KANK1: variants seen among roughly 807,000 people sequenced by gnomAD.
KANK1 encodes KN motif and ankyrin repeat domains 1.
A neutral mutation model predicts 106.2 loss-of-function variants in KANK1; 109 were observed. That is an observed-to-expected ratio of 1.03 (90% CI 0.88 to 1.20). KANK1 has a LOEUF of 1.20. KANK1 is among the 50% of genes most tolerant of loss of function. The pLI is 0.00. For missense variants in KANK1, 2,399 were observed against 1,710.7 expected (o/e 1.40, Z -7.10); for synonymous variants, 873 against 652.2 (o/e 1.34, Z -5.16).
chr9:504,772 G>GCCGTGCCGCGCCCCGTGCCGCGCC lies in KANK1; in HGVS notation c.-84+40_-84+41insCCCCGTGCCGCGCCCCGTGCCGCG, dbSNP rs1455755544. ...GGCCGAAGGTGAGTGACGCGGCGGG[G>GCCGTGCCGCGCCCCGTGCCGCGCC]CCGTGCCGCGCCCCGTGCCGCGGCG... is the stretch of plus-strand genomic sequence containing the variant. On this transcript the variant is annotated intron_variant, in intron 1 of 11. Coordinates refer to ENST00000382297, the MANE Select transcript of KANK1 (RefSeq NM_015158.5). The GCCGTGCCGCGCCCCGTGCCGCGCC allele has an allele frequency of 6.7e-6, 1 of 148,290 alleles. No homozygotes were observed. The highest frequency in any genetic ancestry group is 2.5e-5 in the African/African-American group (1 of 40,228). 9.2% of individuals were successfully genotyped at this position (148,290 alleles called of 1,614,324 possible).
At chr9:477,027 A>G (rs1440420944) in intron 3 of KANK1, among the ~76,000 whole-genome samples, 1 of 152,334 alleles carries the variant, frequency 6.6e-6, no homozygotes, top group East Asian at 1.9e-4. Flanking sequence ...AGTTTATGGT[A>G]AAGTTTAAAA....
chr9:686,964 A>G (rs1036994259), intron 2 of KANK1: 3 of 981,612 alleles, frequency 3.1e-6, no homozygotes, highest in Admixed American at 6.2e-5. Flanking sequence ...CTGGGCTCTT[A>G]TCCTTTGGTA....
At chr9:706,454 TTAAGTGGGAAAAGTA>T (rs1824184507) in intron 2 of KANK1, among the ~76,000 whole-genome samples, 1 of 152,198 alleles carries the variant, frequency 6.6e-6, no homozygotes, top group East Asian at 1.9e-4. Flanking sequence ...CTGAAAATCC[TTAAGTGGGAAAAGTA>T]TAGAAAAAGT....
chr9:563,512 A>C (rs1267012547), intron 1 of KANK1, among the ~76,000 whole-genome samples: 1 of 152,210 alleles, frequency 6.6e-6, no homozygotes, highest in Non-Finnish European at 1.5e-5. Context: ...ATATAAGGCT[A>C]TTAATAAGCC....
At chr9:555,901 C>A (rs2061554806) in intron 1 of KANK1, among the ~76,000 whole-genome samples, 1 of 152,178 alleles carries the variant, frequency 6.6e-6, no homozygotes, top group Non-Finnish European at 1.5e-5. Context: ...CAACTTTTAA[C>A]CTTCATGATG....
intron 1 of KANK1, among the ~76,000 whole-genome samples, chr9:575,040 T>C (rs142064325): frequency 6.6e-6 from 1 of 152,090 alleles, no homozygotes; most frequent in African/African-American, 2.4e-5. Flanking sequence ...GCTTTATGTT[T>C]AAAAAAACAA....
chr9:638,652 G>A (rs959841682), intron 1 of KANK1, among the ~76,000 whole-genome samples: 1 of 152,160 alleles, frequency 6.6e-6, no homozygotes, highest in African/African-American at 2.4e-5. Context: ...CAAACTTTGA[G>A]TTTCCATTCT....
At chr9:715,155 T>C (rs1343290977) in intron 3 of KANK1, among the ~76,000 whole-genome samples, 1 of 152,126 alleles carries the variant, frequency 6.6e-6, no homozygotes, top group Admixed American at 6.6e-5. Context: ...AAGAAAAAAA[T>C]GAATATGACA....
chr9:715,653 C>A (rs1018008875), intron 3 of KANK1, among the ~76,000 whole-genome samples: 1 of 152,218 alleles, frequency 6.6e-6, no homozygotes, highest in Non-Finnish European at 1.5e-5. Context: ...AGAAGACCTA[C>A]AGCACTTGTG....
chr9:598,632 T>G, intron 1 of KANK1, among the ~76,000 whole-genome samples: 1 of 108,368 alleles, frequency 9.2e-6, no homozygotes, highest in South Asian at 3.1e-4. Flanking sequence ...TTTTTTTTTT[T>G]TTTTTTTTTT....
intron 3 of KANK1, among the ~76,000 whole-genome samples, chr9:723,544 G>C (rs1485783023): frequency 6.6e-6 from 1 of 152,052 alleles, no homozygotes; most frequent in East Asian, 1.9e-4. Context: ...AGGATTGCTT[G>C]AGCCCAGGAG....
At chr9:539,795 T>G (rs539915846) in intron 1 of KANK1, among the ~76,000 whole-genome samples, 15 of 152,322 alleles carry the variant, frequency 9.8e-5, no homozygotes, top group African/African-American at 3.6e-4. Context: ...CCTTATTCTC[T>G]CTTGATGCTA....
chr9:718,611 C>T (rs1299040037), intron 3 of KANK1, among the ~76,000 whole-genome samples: 1 of 152,026 alleles, frequency 6.6e-6, no homozygotes, highest in Non-Finnish European at 1.5e-5. Context: ...TGCCAGGCCA[C>T]TGTATCATTT....
At chr9:642,547 C>A (rs1306888153) in intron 1 of KANK1, among the ~76,000 whole-genome samples, 1 of 150,864 alleles carries the variant, frequency 6.6e-6, no homozygotes, top group Non-Finnish European at 1.5e-5. Context: ...TAGAAAAATT[C>A]TTGGTTCTTG....
chr9:703,104 G>A (rs1385579788), intron 2 of KANK1, among the ~76,000 whole-genome samples: 1 of 152,092 alleles, frequency 6.6e-6, no homozygotes, highest in African/African-American at 2.4e-5. Flanking sequence ...CGATTCTCCT[G>A]CCTCAGCCTC....
chr9:715,758 G>A (rs528719141), intron 3 of KANK1, among the ~76,000 whole-genome samples: 1 of 152,304 alleles, frequency 6.6e-6, no homozygotes, highest in African/African-American at 2.4e-5. Flanking sequence ...TTTCTGTAAT[G>A]CACATCATAT....
At chr9:574,120 T>C (rs559989920) in intron 1 of KANK1, among the ~76,000 whole-genome samples, 6 of 152,358 alleles carry the variant, frequency 3.9e-5, no homozygotes, top group Admixed American at 2.0e-4. Context: ...ACTAACATCA[T>C]GTGGCCTTTG....
chr9:517,779 C>G (rs1338431601), intron 1 of KANK1, among the ~76,000 whole-genome samples: 1 of 149,552 alleles, frequency 6.7e-6, no homozygotes, highest in Non-Finnish European at 1.5e-5. Context: ...CGCTCTGTCA[C>G]CCAGGTTGGA....
At chr9:617,871 G>A (rs573640559) in intron 1 of KANK1, among the ~76,000 whole-genome samples, 3 of 152,150 alleles carry the variant, frequency 2.0e-5, no homozygotes, top group Non-Finnish European at 4.4e-5. Context: ...AAGAAAGCAC[G>A]TATTTATAGA....
Sources: allele counts gnomAD v4.1 joint callset (sites outside exome capture counted in the v4.1 genomes callset), GRCh38; gene constraint gnomAD v4.1.1; transcripts MANE v1.5; gene names NCBI Gene and HGNC (gene_info 2026-07-23, HGNC 2026-07-21).